The following LRFN5 variants were observed in gnomAD, a reference collection of about 807,000 sequenced individuals.
The protein encoded by LRFN5 is leucine-rich repeat and fibronectin type-III domain-containing protein 5.
LRFN5 carries 24 observed loss-of-function variants against 45.6 expected under a neutral mutation model. That is an observed-to-expected ratio of 0.53 (90% confidence interval 0.38 to 0.74). LRFN5 has a LOEUF of 0.74. LRFN5 is among the 30% of genes least tolerant of loss of function. LRFN5 has a pLI of 0.00. For missense variants in LRFN5, 776 were observed against 861.5 expected (o/e 0.90, Z 1.24); for synonymous variants, 340 against 313.8 (o/e 1.08, Z -0.88).
intron 1 of LRFN5, among the ~76,000 whole-genome samples, chr14:41,710,611 T>A (rs901080260): frequency 8.3e-5 from 10 of 120,844 alleles, no homozygotes; most frequent in African/African-American, 2.9e-4. Context: ...ACATATATAT[T>A]TTTTATTTTT....
At chr14:41,831,058 A>C (rs1410119011) in intron 2 of LRFN5, among the ~76,000 whole-genome samples, 1 of 152,186 alleles carries the variant, frequency 6.6e-6, no homozygotes, top group African/African-American at 2.4e-5. Context: ...TCACTCTTAA[A>C]AACTCAGTAT....
chr14:41,743,262 C>G (rs1397635773), intron 1 of LRFN5, among the ~76,000 whole-genome samples: 1 of 152,140 alleles, frequency 6.6e-6, no homozygotes, highest in Non-Finnish European at 1.5e-5. Context: ...CTTGCAAAAT[C>G]TACATCGCCC....
At chr14:41,802,830 A>G (rs1236126623) in intron 2 of LRFN5, among the ~76,000 whole-genome samples, 1 of 152,152 alleles carries the variant, frequency 6.6e-6, no homozygotes, top group Non-Finnish European at 1.5e-5. Flanking sequence ...GGAAGAATAT[A>G]TCTAAGAAGG....
chr14:41,739,441 T>G (rs1025646806), intron 1 of LRFN5, among the ~76,000 whole-genome samples: 1 of 150,330 alleles, frequency 6.7e-6, no homozygotes, highest in African/African-American at 2.4e-5. Flanking sequence ...AACTCACAAA[T>G]ATGTGGAAAT....
chr14:41,719,161 C>T lies in LRFN5; in HGVS notation c.-196-47693C>T, dbSNP rs115462595. Among the ~76,000 whole-genome samples the T allele has an allele frequency of 8.3e-3, 1,259 of 152,146 alleles. 18 individuals are homozygous for T. The highest frequency in any genetic ancestry group is 0.029 in the African/African-American group (1,192 of 41,522). ...TCATGCAAAACACGAAAAGAGACCT[C>T]ATATAAAGGAATGTGTTCATTATTT... On this transcript the variant is annotated intron_variant, in intron 1 of 5. Transcript: ENST00000298119.
At chr14:41,847,876 A>G (rs572978686) in intron 2 of LRFN5, among the ~76,000 whole-genome samples, 39 of 152,244 alleles carry the variant, frequency 2.6e-4, no homozygotes, top group Non-Finnish European at 4.4e-4. Flanking sequence ...CATTATATAA[A>G]CACGTCATGA....
rs192647318 is a variant in LRFN5 at position 41,899,490 on chromosome 14, A to G, written c.2142+530A>G. ...ATGGTATTACTTTTGTCAGCAACCA[A>G]TTATTCTTCTTGAGTGGTTTTTTTA... On this transcript the variant is annotated intron_variant, in intron 5 of 5. Transcript: ENST00000298119. 5.9e-5 allele frequency among the ~76,000 whole-genome samples: 9 copies of G among 152,234 alleles called. No homozygotes were observed. The East Asian group carries it at 1.5e-3, about 26-fold the overall frequency.
intron 1 of LRFN5, among the ~76,000 whole-genome samples, chr14:41,750,625 T>C (rs979889606): frequency 7.9e-5 from 12 of 152,124 alleles, no homozygotes; most frequent in Middle Eastern, 3.2e-3. Flanking sequence ...CTAATGCATG[T>C]GTATTAGTCC....
rs764557143 is a variant in LRFN5, at chr14:41,897,276, A to G, written c.2099-1641A>G. 2.6e-5 allele frequency among the ~76,000 whole-genome samples: 4 copies of G among 151,872 alleles called. 1 individual carries two copies. The highest frequency in any genetic ancestry group is 5.9e-5 in the Non-Finnish European group (4 of 67,922). On this transcript the variant is annotated intron_variant, in intron 4 of 5. Coordinates refer to ENST00000298119, the MANE Select transcript of LRFN5 (RefSeq NM_152447.5). ...AAATTACCTCACTAAGGTACTGTTA[A>G]TGCATTGGGGATTTCATCAAATTAC...
At chr14:41,681,932 C>A (rs982970224) in intron 1 of LRFN5, among the ~76,000 whole-genome samples, 3 of 151,724 alleles carry the variant, frequency 2.0e-5, no homozygotes, top group Non-Finnish European at 2.9e-5. Flanking sequence ...AATTGTCCTG[C>A]CTCAGCCTCC....
chr14:41,721,280 GTTTCTTAA>G (rs1326488670), intron 1 of LRFN5, among the ~76,000 whole-genome samples: 1 of 152,040 alleles, frequency 6.6e-6, no homozygotes, highest in Non-Finnish European at 1.5e-5. Flanking sequence ...TGTGAGATGG[GTTTCTTAA>G]AGACAGCAGA....
At chr14:41,802,111 C>G (rs1303731633) in intron 2 of LRFN5, among the ~76,000 whole-genome samples, 1 of 152,154 alleles carries the variant, frequency 6.6e-6, no homozygotes, top group African/African-American at 2.4e-5. Context: ...ATTAAAATGG[C>G]AACAGTCAGC....
intron 2 of LRFN5, among the ~76,000 whole-genome samples, chr14:41,785,966 C>T (rs1164054782): frequency 1.3e-5 from 2 of 152,130 alleles, no homozygotes; most frequent in Admixed American, 6.5e-5. Flanking sequence ...CACTGCTCGC[C>T]TCCTGCTGTG....
chr14:41,624,284 A>G (rs554396290), intron 1 of LRFN5, among the ~76,000 whole-genome samples: 1 of 152,168 alleles, frequency 6.6e-6, no homozygotes, highest in South Asian at 2.1e-4. Flanking sequence ...TGACTGGTTA[A>G]TTTTCCTACA....
At chr14:41,821,760 C>T (rs1045251522) in intron 2 of LRFN5, among the ~76,000 whole-genome samples, 3 of 70,906 alleles carry the variant, frequency 4.2e-5, no homozygotes, top group African/African-American at 1.2e-4. Flanking sequence ...TGTTCCTGGG[C>T]GTGGGGTGGG....
chr14:41,793,991 G>T (rs1465835777), intron 2 of LRFN5, among the ~76,000 whole-genome samples: 1 of 152,014 alleles, frequency 6.6e-6, no homozygotes, highest in Non-Finnish European at 1.5e-5. Flanking sequence ...GATTCCTCCT[G>T]TCACTCACTT....
intron 2 of LRFN5, among the ~76,000 whole-genome samples, chr14:41,864,227 G>A (rs1298741712): frequency 6.6e-6 from 1 of 152,120 alleles, no homozygotes; most frequent in African/African-American, 2.4e-5. Context: ...TCTGGTTCTA[G>A]ATCTTTGAGG....
At chr14:41,862,306 C>T (rs1034493838) in intron 2 of LRFN5, among the ~76,000 whole-genome samples, 1 of 151,982 alleles carries the variant, frequency 6.6e-6, no homozygotes, top group Non-Finnish European at 1.5e-5. Context: ...ATTATTTTAG[C>T]CTGTTTTTAC....
intron 2 of LRFN5, among the ~76,000 whole-genome samples, chr14:41,805,279 AT>A (rs1456479452): frequency 6.6e-6 from 1 of 151,226 alleles, no homozygotes; most frequent in Non-Finnish European, 1.5e-5. Context: ...TTAGATTTTT[AT>A]TTTTATATAT....
Sources: allele counts gnomAD v4.1 joint callset (sites outside exome capture counted in the v4.1 genomes callset), GRCh38; gene constraint gnomAD v4.1.1; transcripts MANE v1.5; gene names NCBI Gene and HGNC (gene_info 2026-07-23, HGNC 2026-07-21).